Variants in KIAA1217 observed in about 807,000 individuals in gnomAD.
KIAA1217 encodes the protein KIAA1217.
Under a neutral mutation model 163.9 loss-of-function variants are expected in KIAA1217, and 88 were observed. The ratio of observed to expected loss-of-function variants is 0.54; its 90% confidence interval spans 0.45 to 0.64. The LOEUF is 0.64. Among genes scored for constraint, KIAA1217 ranks in the 30% least tolerant of loss-of-function variants. KIAA1217 has a pLI of 0.00. For missense variants in KIAA1217, 2,372 were observed against 2,475.0 expected, an observed-to-expected ratio of 0.96 and a Z score of 0.88; for synonymous variants, 903 against 923.1, an observed-to-expected ratio of 0.98 and a Z score of 0.39.
At chr10:23,768,778 T>C (rs768969078) in intron 1 of KIAA1217, among the ~76,000 whole-genome samples, 1 of 152,140 alleles carries the variant, frequency 6.6e-6, no homozygotes, top group Non-Finnish European at 1.5e-5. Flanking sequence ...TTATTGACTT[T>C]CCCGCAGGCA....
intron 2 of KIAA1217, among the ~76,000 whole-genome samples, chr10:24,266,440 C>T (rs1033444427): frequency 1.3e-5 from 2 of 152,108 alleles, no homozygotes; most frequent in African/African-American, 2.4e-5. Context: ...TCCCTGATAC[C>T]ATTGCATTCA....
At chr10:24,148,845 A>G (rs3852487) in intron 2 of KIAA1217, among the ~76,000 whole-genome samples, 72,508 of 152,092 alleles carry the variant, frequency 0.48, 18,708 homozygotes, top group African/African-American at 0.69. Flanking sequence ...AAAGATAGAT[A>G]TATGTTATTT....
At chr10:24,461,112 A>C (rs1313101911) in intron 5 of KIAA1217, among the ~76,000 whole-genome samples, 1 of 152,188 alleles carries the variant, frequency 6.6e-6, no homozygotes, top group Non-Finnish European at 1.5e-5. Context: ...ACGGGCTCTG[A>C]AAACCATCTA....
chr10:24,153,543 G>T (rs149948118), intron 2 of KIAA1217, among the ~76,000 whole-genome samples: 3 of 152,272 alleles, frequency 2.0e-5, no homozygotes, highest in African/African-American at 7.2e-5. Context: ...TTTATAGAGA[G>T]CCGGAGACCG....
intron 13 of KIAA1217, among the ~76,000 whole-genome samples, chr10:24,526,519 C>T (rs1282237732): frequency 6.6e-6 from 1 of 152,172 alleles, no homozygotes; most frequent in Non-Finnish European, 1.5e-5. Flanking sequence ...TAACAAATCT[C>T]TGTTGAGAAC....
intron 2 of KIAA1217, among the ~76,000 whole-genome samples, chr10:24,242,305 T>C (rs1224233282): frequency 1.3e-5 from 2 of 152,214 alleles, no homozygotes; most frequent in African/African-American, 2.4e-5. Flanking sequence ...CATCCATGTG[T>C]GCTCCATGTT....
At chr10:24,492,336 T>C (rs2066259280) in intron 6 of KIAA1217, among the ~76,000 whole-genome samples, 1 of 152,216 alleles carries the variant, frequency 6.6e-6, no homozygotes, top group African/African-American at 2.4e-5. Flanking sequence ...GACTATTTTA[T>C]GGCAAAGAGG....
chr10:23,924,136 A>AT lies in KIAA1217; in HGVS notation c.-320-83084dup, dbSNP rs531353261. Among the ~76,000 whole-genome samples, 878 of 146,582 alleles carry AT rather than the reference A, an allele frequency of 6.0e-3. 4 individuals carry two copies. The highest frequency in any genetic ancestry group is 0.011 in the Non-Finnish European group (708 of 66,134). On this transcript the variant is annotated intron_variant, in intron 1 of 18. Coordinates refer to the KIAA1217 transcript ENST00000376462. ...AATATTTTGAAGTTGGTGATACTGT[A>AT]TTTTTCCCCACTATTTGCTACTCTG...
intron 1 of KIAA1217, among the ~76,000 whole-genome samples, chr10:23,768,056 C>T (rs1023630363): frequency 1.3e-5 from 2 of 152,202 alleles, no homozygotes; most frequent in Non-Finnish European, 2.9e-5. Context: ...AAGTTACCTC[C>T]CAGTTAGAAA....
In KIAA1217 at chr10:24,262,790, C is replaced by T. The variant is rs141645385; in HGVS notation, c.354+42881C>T. On this transcript the variant is annotated intron_variant, in intron 2 of 20. Transcript: ENST00000376454. ...CGAAACCTCATCTCTGCTAAATATA[C>T]AAAAAAATTAGCTGGGCACAATGGT... 2.0e-3 allele frequency among the ~76,000 whole-genome samples: 305 copies of T among 151,778 alleles called. 1 individual carries two copies. Among genetic ancestry groups the T allele is most frequent in the African/African-American group, 6.9e-3 (286 of 41,386 alleles).
chr10:24,126,396 C>T (rs1305481738), intron 2 of KIAA1217, among the ~76,000 whole-genome samples: 1 of 151,716 alleles, frequency 6.6e-6, no homozygotes, highest in Non-Finnish European at 1.5e-5. Context: ...GTATTTATGC[C>T]CTTTAGTCTT....
chr10:24,343,981 T>C (rs1312889796), intron 2 of KIAA1217, among the ~76,000 whole-genome samples: 1 of 152,232 alleles, frequency 6.6e-6, no homozygotes, highest in East Asian at 1.9e-4. Flanking sequence ...TTTGAGTGAC[T>C]ATATTTTTAG....
At chr10:24,379,083 A>G (rs567217029) in intron 2 of KIAA1217, among the ~76,000 whole-genome samples, 1 of 152,068 alleles carries the variant, frequency 6.6e-6, no homozygotes, top group South Asian at 2.1e-4. Flanking sequence ...TGCTTAAAGT[A>G]ATATTATTTC....
rs896898385 is a variant in KIAA1217, at chr10:24,546,608, T to A, written c.*284T>A. 1.5e-5 allele frequency: 5 copies of A among 333,048 alleles called. No homozygotes were observed. The highest frequency in any genetic ancestry group is 2.7e-5 in the Non-Finnish European group (5 of 183,140). The allele number at this position is 333,048 out of a possible 1,614,324, so 20.6% of individuals were successfully genotyped here. Reference sequence around the variant, plus strand: ...TTCTGGTGGGAGAGAAAGGTGCGTGTGAGACAGGAGAATTGTCTTAAGCAT... The same window carrying A: ...TTCTGGTGGGAGAGAAAGGTGCGTGAGAGACAGGAGAATTGTCTTAAGCAT... On this transcript the variant is annotated 3_prime_UTR_variant, in exon 21 of 21. Transcript: ENST00000376454.
intron 1 of KIAA1217, among the ~76,000 whole-genome samples, chr10:23,727,045 T>C (rs1484243915): frequency 2.9e-5 from 4 of 138,174 alleles, no homozygotes; most frequent in Non-Finnish European, 6.1e-5. Flanking sequence ...TGGAGTGCAG[T>C]GGCATGATCT....
intron 2 of KIAA1217, among the ~76,000 whole-genome samples, chr10:24,221,274 C>T (rs117252425): frequency 0.014 from 2,161 of 151,682 alleles, 24 homozygotes; most frequent in Non-Finnish European, 0.024. Flanking sequence ...CCTCCTCTAC[C>T]GACCTCACTG....
chr10:24,331,863 G>A (rs1424634746), intron 2 of KIAA1217, among the ~76,000 whole-genome samples: 1 of 152,146 alleles, frequency 6.6e-6, no homozygotes, highest in African/African-American at 2.4e-5. Context: ...GCAATGGCGC[G>A]ATCTCAGCTC....
intron 1 of KIAA1217, among the ~76,000 whole-genome samples, chr10:24,212,400 G>A (rs571517713): frequency 6.6e-6 from 1 of 152,226 alleles, no homozygotes; most frequent in Non-Finnish European, 1.5e-5. Context: ...ACTACAATTT[G>A]GATATTAATC....
intron 2 of KIAA1217, among the ~76,000 whole-genome samples, chr10:24,363,802 C>T (rs188048047): frequency 6.6e-6 from 1 of 151,906 alleles, no homozygotes; most frequent in Admixed American, 6.6e-5. Context: ...GCACACCTGA[C>T]CTCAAGCACT....
Sources: gnomAD v4.1 joint callset for allele counts (sites outside exome capture counted in the v4.1 genomes callset) on GRCh38, gnomAD v4.1.1 for gene constraint, MANE v1.5 for transcripts, NCBI Gene and HGNC (gene_info 2026-07-23, HGNC 2026-07-21) for gene names.